Variants in AGBL4 observed in about 807,000 individuals in gnomAD.
AGBL4 encodes AGBL carboxypeptidase 4.
AGBL4 carries 58 observed loss-of-function variants against 66.4 expected under a neutral mutation model. That is an observed-to-expected ratio of 0.87 (90% CI 0.71 to 1.09). The LOEUF is 1.09. AGBL4 is among the 50% of genes least tolerant of loss of function. The pLI, the probability that AGBL4 is intolerant of heterozygous loss-of-function variation, is 0.00. For synonymous variants in AGBL4, 234 were observed against 222.9 expected, an observed-to-expected ratio of 1.05 and a Z score of -0.44; for missense variants, 579 against 631.0, an observed-to-expected ratio of 0.92 and a Z score of 0.88.
intron 3 of AGBL4, among the ~76,000 whole-genome samples, chr1:49,497,906 T>C (rs1041453343): frequency 1.3e-5 from 2 of 152,042 alleles, no homozygotes; most frequent in African/African-American, 2.4e-5. Context: ...TCAATTTCTG[T>C]GTAAAATGTC....
intron 3 of AGBL4, among the ~76,000 whole-genome samples, chr1:49,427,204 G>A (rs534963948): frequency 3.3e-5 from 5 of 152,276 alleles, no homozygotes; most frequent in African/African-American, 1.2e-4. Context: ...ACAACCACAA[G>A]TCCTTCAGAG....
At chr1:49,274,579 G>A (rs1644130323) in intron 3 of AGBL4, among the ~76,000 whole-genome samples, 1 of 151,942 alleles carries the variant, frequency 6.6e-6, no homozygotes, top group African/African-American at 2.4e-5. Context: ...ACAAATTATT[G>A]TTTTACTTTG....
At chr1:49,526,072 C>T (rs1418616706) in intron 3 of AGBL4, among the ~76,000 whole-genome samples, 1 of 151,250 alleles carries the variant, frequency 6.6e-6, no homozygotes, top group Non-Finnish European at 1.5e-5. Context: ...CCAGCCTGGG[C>T]AACAGAGTGA....
At chr1:49,549,045 C>T (rs1046089787) in intron 3 of AGBL4, among the ~76,000 whole-genome samples, 10 of 151,776 alleles carry the variant, frequency 6.6e-5, no homozygotes, top group Middle Eastern at 3.2e-3. Flanking sequence ...TCTAGGTTTC[C>T]TAGTTTATGC....
intron 3 of AGBL4, among the ~76,000 whole-genome samples, chr1:49,461,120 G>A (rs1646502513): frequency 1.3e-5 from 2 of 151,680 alleles, no homozygotes; most frequent in Non-Finnish European, 3.0e-5. Flanking sequence ...GTTCTTTGAG[G>A]TTCTTGTATT....
At chr1:48,901,956 A>G (rs1652122041) in intron 5 of AGBL4, among the ~76,000 whole-genome samples, 1 of 152,208 alleles carries the variant, frequency 6.6e-6, no homozygotes, top group African/African-American at 2.4e-5. Context: ...CCTCACAATC[A>G]TGGCGGAAGG....
chr1:48,910,700 G>C (rs1026419226), intron 5 of AGBL4, among the ~76,000 whole-genome samples: 1 of 152,012 alleles, frequency 6.6e-6, no homozygotes, highest in African/African-American at 2.4e-5. Flanking sequence ...CTGACCACTG[G>C]TTTCAGTGTT....
rs565219806 is a variant in AGBL4 at position 48,796,264 on chromosome 1, T to C, written c.634+70927A>G. Reference sequence around the variant, plus strand: ...TTCCACTAGCACCCAACACTTCTTCTCTCCCATGAAGGCACCTATTTTCTC... The same window carrying C: ...TTCCACTAGCACCCAACACTTCTTCCCTCCCATGAAGGCACCTATTTTCTC... On this transcript the variant is annotated intron_variant, in intron 6 of 13. Coordinates refer to ENST00000371839, the MANE Select transcript of AGBL4 (RefSeq NM_032785.4). Among the ~76,000 whole-genome samples the C allele has an allele frequency of 4.8e-4, 73 of 152,336 alleles. No individual in the cohort carries two copies. The Middle Eastern group carries it at 0.01, about 21-fold the overall frequency.
intron 5 of AGBL4, among the ~76,000 whole-genome samples, chr1:49,010,845 G>A (rs1184547441): frequency 6.6e-6 from 1 of 151,530 alleles, no homozygotes; most frequent in Non-Finnish European, 1.5e-5. Context: ...AGCTGAAACT[G>A]GATCCCTTCC....
chr1:48,608,835 C>T (rs557134217), intron 9 of AGBL4, among the ~76,000 whole-genome samples: 1 of 152,000 alleles, frequency 6.6e-6, no homozygotes, highest in Non-Finnish European at 1.5e-5. Flanking sequence ...TGAAAAAAAA[C>T]CAAACACCCG....
chr1:49,213,854 G>T (rs1451785572), intron 4 of AGBL4, among the ~76,000 whole-genome samples: 1 of 151,916 alleles, frequency 6.6e-6, no homozygotes, highest in Admixed American at 6.6e-5. Context: ...GCATCCTGAG[G>T]TATTCTCTCC....
chr1:49,948,033 T>TATTTATAA (rs1655501429), intron 1 of AGBL4, among the ~76,000 whole-genome samples: 1 of 28,442 alleles, frequency 3.5e-5, no homozygotes, highest in African/African-American at 1.3e-4. Context: ...TATAAATATA[T>TATTTATAA]ATACATATAA....
chr1:50,015,022 G>A (rs1311986078), intron 1 of AGBL4, among the ~76,000 whole-genome samples: 1 of 152,138 alleles, frequency 6.6e-6, no homozygotes, highest in East Asian at 1.9e-4. Flanking sequence ...CTGTTAATAG[G>A]TGTGCAATTT....
intron 5 of AGBL4, among the ~76,000 whole-genome samples, chr1:48,892,631 GAC>G: frequency 6.6e-6 from 1 of 152,206 alleles, no homozygotes; most frequent in Non-Finnish European, 1.5e-5. Flanking sequence ...GTAGGTGAGA[GAC>G]AAACAGTTGC....
At chr1:48,875,731 A>C (rs562384488) in intron 5 of AGBL4, among the ~76,000 whole-genome samples, 1 of 152,324 alleles carries the variant, frequency 6.6e-6, no homozygotes, top group East Asian at 1.9e-4. Flanking sequence ...TAGAATTAAT[A>C]GCTGCTGTGG....
intron 8 of AGBL4, among the ~76,000 whole-genome samples, chr1:48,644,204 G>A (rs1645800485): frequency 6.6e-6 from 1 of 152,072 alleles, no homozygotes; most frequent in Non-Finnish European, 1.5e-5. Context: ...TTATATTACT[G>A]TGTTGTTATT....
At chr1:49,333,914 G>A (rs1645383894) in intron 3 of AGBL4, among the ~76,000 whole-genome samples, 1 of 152,116 alleles carries the variant, frequency 6.6e-6, no homozygotes, top group Non-Finnish European at 1.5e-5. Flanking sequence ...GAGAACTTTG[G>A]TTAAGCCTGG....
intron 2 of AGBL4, among the ~76,000 whole-genome samples, chr1:49,801,209 G>T (rs1644853410): frequency 6.6e-6 from 1 of 152,150 alleles, no homozygotes; most frequent in South Asian, 2.1e-4. Context: ...ACTTTGGATG[G>T]TCTCTAAGAG....
At chr1:48,626,757 C>T (rs1205164544) in intron 9 of AGBL4, among the ~76,000 whole-genome samples, 1 of 152,194 alleles carries the variant, frequency 6.6e-6, no homozygotes, top group Non-Finnish European at 1.5e-5. Context: ...CTGCTCCCTG[C>T]AGGGAACCTC....
Sources: allele counts gnomAD v4.1 joint callset (sites outside exome capture counted in the v4.1 genomes callset), GRCh38; gene constraint gnomAD v4.1.1; transcripts MANE v1.5; gene names NCBI Gene and HGNC (gene_info 2026-07-23, HGNC 2026-07-21).